The following KMT2E variants were observed in gnomAD, a reference collection of about 807,000 sequenced individuals.
KMT2E encodes the protein lysine methyltransferase 2E (inactive).
A neutral mutation model predicts 184.6 loss-of-function variants in KMT2E; 30 were observed. The ratio of observed to expected loss-of-function variants is 0.16; its 90% CI spans 0.12 to 0.22. The LOEUF (loss-of-function observed/expected upper bound fraction) is 0.22, where lower values mean the gene tolerates loss of function less well. KMT2E is among the 10% of genes least tolerant of loss of function. The probability of loss-of-function intolerance (pLI) is 1.00; values close to 1 mark genes in which losing one functional copy is unlikely to be tolerated. For missense variants in KMT2E, 2,023 were observed against 2,237.4 expected, an observed-to-expected ratio of 0.90 and a Z score of 1.93; for synonymous variants, 815 against 776.5, an observed-to-expected ratio of 1.05 and a Z score of -0.82.
chr7:105,100,165 T>C (rs1798592852), intron 15 of KMT2E, among the ~76,000 whole-genome samples: 1 of 152,162 alleles, frequency 6.6e-6, no homozygotes, highest in African/African-American at 2.4e-5. Flanking sequence ...TTCCTCAGAG[T>C]CATGTTTGCA....
chr7:105,040,136 C>A (rs1795817576), intron 2 of KMT2E, among the ~76,000 whole-genome samples: 1 of 152,124 alleles, frequency 6.6e-6, no homozygotes, highest in African/African-American at 2.4e-5. Context: ...AAAATGACAA[C>A]TACTGTACAG....
At chr7:105,106,048 GCATA>G in intron 19 of KMT2E, 45 bp downstream of exon 19, 1 of 1,558,388 alleles carries the variant, frequency 6.4e-7, no homozygotes, top group Non-Finnish European at 8.7e-7. Context: ...ATGTGGCAGG[GCATA>G]CATACAGCTT....
rs746692684 is a variant in KMT2E at position 105,077,545 on chromosome 7, A to T, written c.1130+112A>T. ...ACTTTTTTTCCTACATGATCATTTC[A>T]GTATTTAAAGCTGTAGTGTGGTTGA... On this transcript the variant is annotated intron_variant, in intron 11 of 26. Coordinates refer to ENST00000311117, the MANE Select transcript of KMT2E (RefSeq NM_182931.3). The T allele has an allele frequency of 3.8e-6, 3 of 791,386 alleles. No homozygotes were observed. The South Asian group carries it at 5.3e-5, about 14-fold the overall frequency. The allele number at this position is 791,386 out of a possible 1,614,324, so 49.0% of individuals were successfully genotyped here. A position where few individuals can be genotyped will look rare whatever the true frequency, so the allele number is the denominator to read the frequency against.
At chr7:105,069,006 C>G (rs1797170521) in intron 6 of KMT2E, among the ~76,000 whole-genome samples, 1 of 152,104 alleles carries the variant, frequency 6.6e-6, no homozygotes, top group African/African-American at 2.4e-5. Flanking sequence ...CCTCTTCAAG[C>G]TGGTTATCAA....
chr7:105,034,285 G>C (rs192108870), intron 1 of KMT2E, among the ~76,000 whole-genome samples: 1 of 152,152 alleles, frequency 6.6e-6, no homozygotes, highest in Non-Finnish European at 1.5e-5. Flanking sequence ...GCCCAGGTTG[G>C]AGAGTAGTAT....
intron 14 of KMT2E, 72 bp downstream of exon 14, chr7:105,090,345 T>C: frequency 6.8e-7 from 1 of 1,478,208 alleles, no homozygotes; most frequent in Non-Finnish European, 9.2e-7. Flanking sequence ...TCCTCTTCTT[T>C]GTTCTATGTA....
At chr7:105,064,164 G>GTTTT (rs66946883) in intron 5 of KMT2E, 1,469 of 76,064 alleles carry the variant, frequency 0.019, 127 homozygotes, top group East Asian at 0.055. Context: ...TTTTTTCTTG[G>GTTTT]TTTTTTTTTT....
At chr7:105,098,026 G>A (rs1219699544) in intron 15 of KMT2E, among the ~76,000 whole-genome samples, 2 of 152,138 alleles carry the variant, frequency 1.3e-5, no homozygotes, top group African/African-American at 2.4e-5. Flanking sequence ...TAGAGGAAAT[G>A]GAGACACCAC....
Position 105,101,556 on chromosome 7 carries a change from TACAC to T in KMT2E, c.1856_1859del (p.Thr619ArgfsTer26). 6.4e-7 allele frequency: 1 copy of T among 1,572,014 alleles called. No homozygotes were observed. On this transcript the variant is annotated frameshift_variant, in exon 16 of 27. Coordinates refer to ENST00000311117, the MANE Select transcript of KMT2E (RefSeq NM_182931.3). LOFTEE classifies it high-confidence loss of function. ...CTGAAGTTAAAACTGAATGTAAAGA[TACAC>T]AGATTGTCAGTGATGCTGAAGTTAT...
At position 105,034,233 on chromosome 7, in the gene KMT2E, GTGTT is replaced by G. The variant is rs529021689; in HGVS notation, c.-188-3879_-188-3876del. Among the ~76,000 whole-genome samples the G allele has an allele frequency of 1.9e-3, 290 of 152,222 alleles. 1 individual carries two copies. The highest frequency in any genetic ancestry group is 5.5e-3 in the African/African-American group (228 of 41,542). ...GTACAATGTCCTGACTAGTGTGTGT[GTGTT>G]TGTTTGTTTGTTTTAAGAGACAGGG... is the stretch of plus-strand genomic sequence containing the variant. On this transcript the variant is annotated intron_variant, in intron 1 of 26. Coordinates refer to ENST00000311117, the MANE Select transcript of KMT2E (RefSeq NM_182931.3).
chr7:105,064,876 G>T (rs1257806025), intron 5 of KMT2E, among the ~76,000 whole-genome samples: 1 of 152,066 alleles, frequency 6.6e-6, no homozygotes, highest in Admixed American at 6.5e-5. Flanking sequence ...TGTCTAATGT[G>T]ATAAATTACA....
At chr7:105,054,764 C>G (rs1366080924) in intron 3 of KMT2E, among the ~76,000 whole-genome samples, 1 of 152,196 alleles carries the variant, frequency 6.6e-6, no homozygotes, top group Non-Finnish European at 1.5e-5. Flanking sequence ...ATCCACCTGC[C>G]TTGGCCTCCC....
chr7:105,036,169 C>CT lies in KMT2E; in HGVS notation c.-188-1953dup, dbSNP rs1445152538. Reference sequence around the variant, plus strand: ...GTTTTTTGTTGTTGTTGTTGTTGTTCTTTTGGTTTTTTTTTTTGTTTTTTT... The same window carrying CT: ...GTTTTTTGTTGTTGTTGTTGTTGTTCTTTTTGGTTTTTTTTTTTGTTTTTTT... On this transcript the variant is annotated intron_variant, in intron 1 of 26. Transcript: ENST00000311117. Among the ~76,000 whole-genome samples, 947 of 141,444 alleles carry CT rather than the reference C, an allele frequency of 6.7e-3. 14 individuals carry two copies. Among genetic ancestry groups the CT allele is most frequent in the East Asian group, 0.064 (297 of 4,672 alleles). The allele number at this position is 141,444 out of a possible 152,430, so 92.8% of individuals were successfully genotyped here.
chr7:105,021,968 A>G (rs1183228581), intron 1 of KMT2E, among the ~76,000 whole-genome samples: 1 of 152,160 alleles, frequency 6.6e-6, no homozygotes, highest in Non-Finnish European at 1.5e-5. Flanking sequence ...TACCAAGATC[A>G]CCGGACTTGT....
chr7:105,099,268 G>A (rs952620720), intron 15 of KMT2E, among the ~76,000 whole-genome samples: 5 of 152,224 alleles, frequency 3.3e-5, no homozygotes, highest in Admixed American at 1.3e-4. Flanking sequence ...TTTATGTAGC[G>A]GCAGTAATTG....
At chr7:105,026,886 G>T (rs1412753735) in intron 1 of KMT2E, among the ~76,000 whole-genome samples, 1 of 152,036 alleles carries the variant, frequency 6.6e-6, no homozygotes, top group Non-Finnish European at 1.5e-5. Context: ...GTTTAAAATT[G>T]GTACCTCTTA....
intron 1 of KMT2E, among the ~76,000 whole-genome samples, chr7:105,016,361 A>T (rs1188555055): frequency 6.6e-6 from 1 of 152,150 alleles, no homozygotes; most frequent in East Asian, 1.9e-4. Context: ...GTCTTACAGC[A>T]TACTATCATC....
intron 5 of KMT2E, among the ~76,000 whole-genome samples, chr7:105,064,639 C>T (rs2129567327): frequency 6.6e-6 from 1 of 152,162 alleles, no homozygotes; most frequent in African/African-American, 2.4e-5. Context: ...GTAATATTAA[C>T]ACTGAGTTTA....
At chr7:105,063,809 T>C (rs1796917380) in intron 5 of KMT2E, 2 of 520,052 alleles carry the variant, frequency 3.8e-6, no homozygotes, top group South Asian at 4.6e-5. Context: ...CTTTTTTTCA[T>C]GTAGGATCAC....
Sources: allele counts gnomAD v4.1 joint callset (sites outside exome capture counted in the v4.1 genomes callset), GRCh38; gene constraint gnomAD v4.1.1; transcripts MANE v1.5; gene names NCBI Gene and HGNC (gene_info 2026-07-23, HGNC 2026-07-21).